SRR: variants seen among roughly 807,000 people sequenced by gnomAD.
The protein encoded by SRR is D-serine ammonia-lyase.
A neutral mutation model predicts 32.7 loss-of-function variants in SRR; 19 were observed. That is an observed-to-expected ratio of 0.58 (90% CI 0.40 to 0.85). SRR has a LOEUF of 0.85. Ranked by LOEUF, SRR falls within the 40% of genes least tolerant of loss-of-function variation. The pLI is 0.00. For missense variants in SRR, 373 were observed against 404.7 expected, an observed-to-expected ratio of 0.92 and a Z score of 0.67; for synonymous variants, 142 against 140.9, an observed-to-expected ratio of 1.01 and a Z score of -0.06.
At position 2,318,838 on chromosome 17, in the gene SRR, A is replaced by C; in HGVS notation, c.308A>C (p.Tyr103Ser). Reference sequence around the variant, plus strand: ...TTTCCTCTCCCAGGAATTCCTGCTTATATTGTGGTGCCCCAGACAGCTCCA... The same window carrying C: ...TTTCCTCTCCCAGGAATTCCTGCTTCTATTGTGGTGCCCCAGACAGCTCCA... Reference protein sequence around the residue: ...YAAKLEGIPAYIVVPQTAPDC... With the variant: ...YAAKLEGIPASIVVPQTAPDC... Residue 103 changes from tyrosine to serine, a missense_variant, in exon 4 of 8, where the codon TAT (tyrosine) becomes TCT (serine). By Grantham distance (144) the Tyr-to-Ser change is moderately radical. Coordinates refer to ENST00000344595, the MANE Select transcript of SRR (RefSeq NM_021947.3). The C allele has an allele frequency of 6.2e-7, 1 of 1,612,994 alleles. No individual in the cohort carries two copies. The highest frequency in any genetic ancestry group is 1.1e-5 in the South Asian group (1 of 91,050).
intron 4 of SRR, 77 bp from the exon 5 acceptor site, chr17:2,321,229 A>C (rs2075525424): frequency 6.5e-7 from 1 of 1,549,906 alleles, no homozygotes; most frequent in Non-Finnish European, 8.8e-7. Context: ...GGTCAATAAA[A>C]TGCTGAATGA....
rs2075557624 is a variant in SRR at position 2,324,046 on chromosome 17, A to G, written c.*173A>G. On this transcript the variant is annotated 3_prime_UTR_variant, in exon 8 of 8. Transcript: ENST00000344595. ...GGAAAAACTTTTATACTTAACTGAGACATTTTGTCAAGGCTAAAAAAAAGT... is the reference window on the plus strand; with the variant it reads ...GGAAAAACTTTTATACTTAACTGAGGCATTTTGTCAAGGCTAAAAAAAAGT... 9.0e-6 allele frequency: 11 copies of G among 1,218,764 alleles called. No individual in the cohort carries two copies. Among genetic ancestry groups the G allele is most frequent in the Non-Finnish European group, 1.1e-5 (10 of 876,942 alleles). 75.5% of individuals were successfully genotyped at this position (1,218,764 alleles called of 1,614,324 possible).
chr17:2,320,490 G>A (rs998173581), intron 4 of SRR, among the ~76,000 whole-genome samples: 3 of 151,104 alleles, frequency 2.0e-5, no homozygotes, highest in African/African-American at 7.3e-5. Flanking sequence ...TCCTGACCTC[G>A]TGATCTGCCC....
chr17:2,317,487 G>A (rs2075485675), intron 2 of SRR, among the ~76,000 whole-genome samples: 1 of 150,590 alleles, frequency 6.6e-6, no homozygotes, highest in African/African-American at 2.4e-5. Context: ...ACTGCAGCCC[G>A]GGCTACAACA....
intron 1 of SRR, among the ~76,000 whole-genome samples, chr17:2,312,701 T>C (rs1418570060): frequency 6.6e-6 from 1 of 152,326 alleles, no homozygotes; most frequent in East Asian, 1.9e-4. Context: ...GGAGTACAAA[T>C]TGATGTAATA....
At chr17:2,317,843 T>C (rs2075489782) in intron 2 of SRR, 27 bp from the exon 3 acceptor site, 5 of 1,602,386 alleles carry the variant, frequency 3.1e-6, no homozygotes, top group Non-Finnish European at 4.3e-6. Context: ...TAATCAAATA[T>C]GTGAATTCAC....
chr17:2,304,695 C>CA (rs2075369575), intron 1 of SRR, among the ~76,000 whole-genome samples: 1 of 151,346 alleles, frequency 6.6e-6, no homozygotes, highest in Non-Finnish European at 1.5e-5. Flanking sequence ...GCGGAGACTG[C>CA]AGTGAGCCGA....
intron 1 of SRR, among the ~76,000 whole-genome samples, chr17:2,313,321 T>C (rs920198562): frequency 6.7e-6 from 1 of 149,840 alleles, no homozygotes; most frequent in Non-Finnish European, 1.5e-5. Context: ...TCCCAGCTAC[T>C]AGGGAGGCTA....
In SRR at chr17:2,323,257, G is replaced by T. The variant is rs1420337262; in HGVS notation, c.716G>T (p.Gly239Val). Reference protein sequence around the residue: ...NLYPPETIADGVKSSIGLNTW... With the variant: ...NLYPPETIADVVKSSIGLNTW... ...TATCCTCCAGAAACCATAGCAGATG[G>T]TGTCAAATCCAGCATTGGCTTGAAC... is the stretch of plus-strand genomic sequence containing the variant. The change falls in exon 7 of 8, where the codon GGT becomes GTT. Residue 239 changes from glycine (G) to valine (V), a missense_variant. Physicochemically the swap from Gly to Val is moderately radical, Grantham distance 109. Coordinates refer to ENST00000344595, the MANE Select transcript of SRR (RefSeq NM_021947.3). The T allele has an allele frequency of 6.2e-7, 1 of 1,614,184 alleles. No homozygotes were observed. Among genetic ancestry groups the T allele is most frequent in the East Asian group, 2.2e-5 (1 of 44,882 alleles).
chr17:2,307,199 G>T, intron 1 of SRR: 2 of 1,363,568 alleles, frequency 1.5e-6, no homozygotes, highest in South Asian at 1.2e-5. Context: ...AAGAAAAGGG[G>T]CTTTGCCTTT....
intron 4 of SRR, 61 bp downstream of exon 4, chr17:2,318,990 A>T (rs1756256859): frequency 2.5e-6 from 3 of 1,182,740 alleles, no homozygotes. Context: ...GGCTCTTTCT[A>T]CCTTACTGGC....
chr17:2,307,671 G>T (rs1164419436), intron 1 of SRR: 1 of 978,850 alleles, frequency 1.0e-6, no homozygotes, highest in Non-Finnish European at 1.6e-6. Context: ...AGGTGGCTAT[G>T]GCGGTTCCAG....
rs1440320138 is a variant in SRR, at chr17:2,324,327, G to C, written c.*454G>C. 2 of 1,565,986 alleles carry C rather than the reference G, an allele frequency of 1.3e-6. No individual in the cohort carries two copies. Among genetic ancestry groups the C allele is most frequent in the Non-Finnish European group, 1.7e-6 (2 of 1,159,480 alleles). On this transcript the variant is annotated 3_prime_UTR_variant, in exon 8 of 8. Coordinates refer to ENST00000344595, the MANE Select transcript of SRR (RefSeq NM_021947.3). ...TACAGGTTCATCAGTACTGTGTCTTGAGATTTTAGCTTCCCATCAAAGCTG... is the reference window on the plus strand; with the variant it reads ...TACAGGTTCATCAGTACTGTGTCTTCAGATTTTAGCTTCCCATCAAAGCTG...
chr17:2,320,393 C>G (rs531790213), intron 4 of SRR, among the ~76,000 whole-genome samples: 1 of 145,854 alleles, frequency 6.9e-6, no homozygotes, highest in Non-Finnish European at 1.5e-5. Flanking sequence ...GTAGCTGGGA[C>G]TACAGGCGCG....
At chr17:2,316,049 TGACA>T (rs1449516156) in intron 2 of SRR, among the ~76,000 whole-genome samples, 1 of 152,176 alleles carries the variant, frequency 6.6e-6, no homozygotes, top group Non-Finnish European at 1.5e-5. Context: ...TTTCAGTCAA[TGACA>T]GACCACCTAT....
At chr17:2,315,880 C>T (rs2151432992) in intron 2 of SRR, 152 bp downstream of exon 2, 2 of 715,612 alleles carry the variant, frequency 2.8e-6, no homozygotes, top group Non-Finnish European at 4.4e-6. Flanking sequence ...CTTTCAAGTC[C>T]TTGTTTTACC....
chr17:2,323,149 G>T lies in SRR; in HGVS notation c.608G>T (p.Ser203Ile). Reference protein sequence around the residue: ...IAITVKALKPSVKVYAAEPSN... With the variant: ...IAITVKALKPIVKVYAAEPSN... The stretch of plus-strand genomic sequence containing the variant: ...TCCTCTTCCCAGGCTCTGAAACCTA[G>T]TGTGAAGGTATATGCTGCTGAACCC... The change falls in exon 7 of 8, where the codon AGT becomes ATT. Residue 203 changes from serine to isoleucine, a missense_variant. Ser to Ile is a moderately radical substitution (Grantham distance 142). Coordinates refer to ENST00000344595, the MANE Select transcript of SRR (RefSeq NM_021947.3). 6.2e-7 allele frequency: 1 copy of T among 1,614,186 alleles called. No individual in the cohort carries two copies. The highest frequency in any genetic ancestry group is 1.1e-5 in the South Asian group (1 of 91,088).
Position 2,304,019 on chromosome 17 carries a change from T to A in SRR, c.-5+2T>A. 2 of 283,306 alleles carry A rather than the reference T, an allele frequency of 7.1e-6. No homozygotes were observed. Among genetic ancestry groups the A allele is most frequent in the Non-Finnish European group, 6.5e-6 (1 of 154,322 alleles). 17.5% of individuals were successfully genotyped at this position (283,306 alleles called of 1,614,324 possible). ...GAGGCGCGGCGCCGGTGAGCTGAGG[T>A]GAGGCGAGGCCGGGCCGTGCCAGGC... is the stretch of plus-strand genomic sequence containing the variant. On this transcript the variant is annotated splice_donor_variant, in intron 1 of 7. Coordinates refer to ENST00000344595, the MANE Select transcript of SRR (RefSeq NM_021947.3). LOFTEE classifies it low-confidence loss of function (5UTR_SPLICE).
In SRR at chr17:2,318,939, G is replaced by A; in HGVS notation, c.399+10G>A. ...TGAACCTAGTGATGAGGTAAGGAGAGCAGTGCTTGGTACCACCTTAACAGC... is the reference window on the plus strand; with the variant it reads ...TGAACCTAGTGATGAGGTAAGGAGAACAGTGCTTGGTACCACCTTAACAGC... On this transcript the variant is annotated intron_variant, in intron 4 of 7. Coordinates refer to ENST00000344595, the MANE Select transcript of SRR (RefSeq NM_021947.3). The A allele has an allele frequency of 6.3e-7, 1 of 1,581,204 alleles. No homozygotes were observed. Among genetic ancestry groups the A allele is most frequent in the Non-Finnish European group, 8.7e-7 (1 of 1,150,356 alleles).
Sources: allele counts gnomAD v4.1 joint callset (sites outside exome capture counted in the v4.1 genomes callset), GRCh38; gene constraint gnomAD v4.1.1; transcripts MANE v1.5; gene names NCBI Gene and HGNC (gene_info 2026-07-23, HGNC 2026-07-21).